CACNA1E: variants seen among roughly 807,000 people sequenced by gnomAD.
CACNA1E encodes the protein calcium voltage-gated channel subunit alpha1 E.
Under a neutral mutation model 259.2 loss-of-function variants are expected in CACNA1E, and 40 were observed. The observed-to-expected ratio is 0.15, with a 90% CI of 0.12 to 0.20. The LOEUF is 0.20. CACNA1E is among the 10% of genes least tolerant of loss of function. The probability of loss-of-function intolerance (pLI) is 1.00; values close to 1 mark genes in which losing one functional copy is unlikely to be tolerated. For missense variants in CACNA1E, 1,874 were observed against 3,040.1 expected (o/e 0.62, Z 9.02); for synonymous variants, 1,104 against 1,138.5 (o/e 0.97, Z 0.61).
intron 37 of CACNA1E, 141 bp downstream of exon 37, chr1:181,772,372 A>T: frequency 2.7e-6 from 2 of 744,384 alleles, no homozygotes; most frequent in Non-Finnish European, 4.5e-6. Flanking sequence ...CACCATGCAC[A>T]CACTCACACT....
intron 37 of CACNA1E, among the ~76,000 whole-genome samples, chr1:181,774,874 C>A (rs745896943): frequency 6.6e-6 from 1 of 152,206 alleles, no homozygotes; most frequent in East Asian, 1.9e-4. Flanking sequence ...CTTTCACTTA[C>A]AAGAGACAGA....
In CACNA1E at chr1:181,752,893, G is replaced by A. The variant is rs148925027; in HGVS notation, c.3828+654G>A. Among the ~76,000 whole-genome samples, 866 of 152,164 alleles carry A rather than the reference G, an allele frequency of 5.7e-3. 5 individuals are homozygous for A. The highest frequency in any genetic ancestry group is 9.5e-3 in the Non-Finnish European group (645 of 68,000). ...ACTCCCCTGGGGTTCCACCTTCCACGAGTCTCCCTGCCTCTCAGGAAAGCT... is the reference window on the plus strand; with the variant it reads ...ACTCCCCTGGGGTTCCACCTTCCACAAGTCTCCCTGCCTCTCAGGAAAGCT... On this transcript the variant is annotated intron_variant, in intron 27 of 47. Transcript: ENST00000367573.
At chr1:181,576,214 G>A (rs1041268575) in intron 3 of CACNA1E, among the ~76,000 whole-genome samples, 2 of 152,144 alleles carry the variant, frequency 1.3e-5, no homozygotes, top group South Asian at 2.1e-4. Context: ...TAGTATGAAC[G>A]TAGACTCAGA....
intron 2 of CACNA1E, among the ~76,000 whole-genome samples, chr1:181,478,093 A>G (rs955935618): frequency 3.3e-5 from 5 of 152,236 alleles, no homozygotes; most frequent in African/African-American, 1.2e-4. Context: ...GCTATTTCCT[A>G]GCTCTGTGCA....
intron 3 of CACNA1E, among the ~76,000 whole-genome samples, chr1:181,559,080 A>G (rs367902517): frequency 1.2e-3 from 186 of 152,332 alleles, no homozygotes; most frequent in African/African-American, 4.3e-3. Context: ...CATTCAAGAA[A>G]CAGAGAAGGC....
At chr1:181,753,696 A>G (rs1019628619) in intron 27 of CACNA1E, among the ~76,000 whole-genome samples, 21 of 152,136 alleles carry the variant, frequency 1.4e-4, no homozygotes, top group South Asian at 6.2e-4. Flanking sequence ...CCCACTTCCT[A>G]TTGAATTCTC....
At chr1:181,354,556 A>T (rs1340040150) in intron 1 of CACNA1E, among the ~76,000 whole-genome samples, 1 of 152,128 alleles carries the variant, frequency 6.6e-6, no homozygotes, top group Admixed American at 6.5e-5. Context: ...CTGTGGTTAG[A>T]AGGGTCTTAA....
intron 6 of CACNA1E, among the ~76,000 whole-genome samples, chr1:181,621,177 A>G (rs930657347): frequency 2.6e-5 from 4 of 152,246 alleles, no homozygotes; most frequent in Admixed American, 6.5e-5. Flanking sequence ...TTGCTATTCA[A>G]TGTGAGGCCT....
Position 181,665,096 on chromosome 1 carries a change from G to T in CACNA1E, c.1055+13655G>T, listed in dbSNP as rs115102669. 2.6e-3 allele frequency among the ~76,000 whole-genome samples: 390 copies of T among 151,982 alleles called. 1 individual carries two copies. Among genetic ancestry groups the T allele is most frequent in the African/African-American group, 8.9e-3 (370 of 41,450 alleles). On this transcript the variant is annotated intron_variant, in intron 7 of 47. Coordinates refer to ENST00000367573, the MANE Select transcript of CACNA1E (RefSeq NM_001205293.3). ...AACATCCTTGTAGCTCCTCAGCCAT[G>T]CTCTAACTTAGTATAGGTAAATCTT... is the stretch of plus-strand genomic sequence containing the variant.
chr1:181,581,354 T>C (rs1651523971), intron 6 of CACNA1E, among the ~76,000 whole-genome samples: 1 of 152,248 alleles, frequency 6.6e-6, no homozygotes, highest in African/African-American at 2.4e-5. Flanking sequence ...CAAGAACTAC[T>C]GCATTACACA....
chr1:181,427,905 C>T (rs997615596), intron 2 of CACNA1E, among the ~76,000 whole-genome samples: 3 of 151,414 alleles, frequency 2.0e-5, no homozygotes, highest in African/African-American at 7.3e-5. Context: ...TGGTGTGCAT[C>T]TTTCTTTGGC....
intron 2 of CACNA1E, among the ~76,000 whole-genome samples, chr1:181,432,397 A>G (rs1369885772): frequency 6.6e-6 from 1 of 152,156 alleles, no homozygotes; most frequent in East Asian, 1.9e-4. Flanking sequence ...TCATTCATGT[A>G]TCGTTTCAAC....
At chr1:181,675,295 A>G (rs949350346) in intron 7 of CACNA1E, among the ~76,000 whole-genome samples, 9 of 152,206 alleles carry the variant, frequency 5.9e-5, no homozygotes, top group Admixed American at 5.9e-4. Flanking sequence ...CTTGCTCCGA[A>G]ACATCATGGG....
At position 181,544,422 on chromosome 1, in the gene CACNA1E, T is replaced by C. The variant is rs140998756; in HGVS notation, c.512+32912T>C. Among the ~76,000 whole-genome samples the C allele has an allele frequency of 1.7e-3, 258 of 151,494 alleles. 1 individual carries two copies. Among genetic ancestry groups the C allele is most frequent in the African/African-American group, 5.9e-3 (244 of 41,444 alleles). On this transcript the variant is annotated intron_variant, in intron 3 of 47. Transcript: ENST00000367573. ...TACTAAAAAAAAAAACCCCACTGAA[T>C]TGTACGCTTTAGAAGGGTAAATTAT...
chr1:181,423,654 T>C (rs182196592), intron 2 of CACNA1E, among the ~76,000 whole-genome samples: 3 of 140,462 alleles, frequency 2.1e-5, no homozygotes, highest in African/African-American at 5.5e-5. Context: ...TTAAGGGCCA[T>C]TGGGCCAATT....
At chr1:181,500,603 C>T (rs938614565) in intron 1 of CACNA1E, among the ~76,000 whole-genome samples, 1 of 152,238 alleles carries the variant, frequency 6.6e-6, no homozygotes, top group South Asian at 2.1e-4. Context: ...GTACTCTGCA[C>T]ATTGGGTCTT....
chr1:181,364,481 TG>T (rs1274360051), intron 1 of CACNA1E, among the ~76,000 whole-genome samples: 1 of 151,920 alleles, frequency 6.6e-6, no homozygotes, highest in East Asian at 1.9e-4. Context: ...TGATCAGAGG[TG>T]GGATGGAGGC....
intron 1 of CACNA1E, among the ~76,000 whole-genome samples, chr1:181,318,505 C>T (rs926385077): frequency 2.0e-5 from 3 of 152,196 alleles, no homozygotes; most frequent in South Asian, 2.1e-4. Flanking sequence ...TCACGCGCCG[C>T]CGGGGAGCGG....
At chr1:181,435,581 C>G (rs1029585797) in intron 2 of CACNA1E, among the ~76,000 whole-genome samples, 3 of 152,276 alleles carry the variant, frequency 2.0e-5, no homozygotes, top group South Asian at 2.1e-4. Flanking sequence ...AGAGGACTTT[C>G]CTGACCACTC....
Sources: gnomAD v4.1 joint callset for allele counts (sites outside exome capture counted in the v4.1 genomes callset) on GRCh38, gnomAD v4.1.1 for gene constraint, MANE v1.5 for transcripts, NCBI Gene and HGNC (gene_info 2026-07-23, HGNC 2026-07-21) for gene names.